The following ATRNL1 variants were observed in gnomAD, a reference collection of about 807,000 sequenced individuals.
ATRNL1 encodes attractin-like protein 1.
Under a neutral mutation model 182.7 loss-of-function variants are expected in ATRNL1, and 95 were observed. The observed-to-expected ratio is 0.52, with a 90% confidence interval of 0.44 to 0.62. ATRNL1 has a LOEUF of 0.62. ATRNL1 is among the 20% of genes least tolerant of loss of function. The pLI, the probability that ATRNL1 is intolerant of heterozygous loss-of-function variation, is 0.00. For missense variants in ATRNL1, 1,471 were observed against 1,679.5 expected (o/e 0.88, Z 2.17); for synonymous variants, 576 against 568.3 (o/e 1.01, Z -0.19).
At chr10:115,588,902 A>G (rs1855740788) in intron 26 of ATRNL1, among the ~76,000 whole-genome samples, 1 of 152,230 alleles carries the variant, frequency 6.6e-6, no homozygotes, top group Admixed American at 6.5e-5. Flanking sequence ...GGTAGATATA[A>G]AACAAGTATA....
At chr10:115,900,866 T>C (rs1952331948) in intron 28 of ATRNL1, among the ~76,000 whole-genome samples, 1 of 152,104 alleles carries the variant, frequency 6.6e-6, no homozygotes, top group South Asian at 2.1e-4. Context: ...GGCAAAAGAT[T>C]AAAGGGTCAT....
intron 26 of ATRNL1, among the ~76,000 whole-genome samples, chr10:115,579,800 C>T (rs782342865): frequency 1.5e-4 from 23 of 151,866 alleles, no homozygotes; most frequent in Non-Finnish European, 3.1e-4. Context: ...TCTTTTGTTC[C>T]TCTTTTTCTT....
intron 26 of ATRNL1, among the ~76,000 whole-genome samples, chr10:115,695,629 A>C (rs1946532998): frequency 6.6e-6 from 1 of 152,140 alleles, no homozygotes; most frequent in African/African-American, 2.4e-5. Context: ...CATTTCCTAT[A>C]ATATAAACAA....
intron 28 of ATRNL1, among the ~76,000 whole-genome samples, chr10:115,893,536 G>A (rs184600085): frequency 2.0e-4 from 30 of 152,240 alleles, no homozygotes; most frequent in African/African-American, 6.7e-4. Context: ...AGCATAATTC[G>A]TTCTTTTTCT....
chr10:115,363,856 C>G (rs1188512118), intron 19 of ATRNL1, among the ~76,000 whole-genome samples: 4 of 147,512 alleles, frequency 2.7e-5, no homozygotes, highest in Admixed American at 6.8e-5. Context: ...TCTGAGGGCT[C>G]TGTTCTGTTC....
chr10:115,113,755 A>G (rs1447577958), intron 1 of ATRNL1, among the ~76,000 whole-genome samples: 1 of 152,156 alleles, frequency 6.6e-6, no homozygotes, highest in Non-Finnish European at 1.5e-5. Flanking sequence ...GTATGTCTTT[A>G]TCAGCAGCAT....
intron 20 of ATRNL1, among the ~76,000 whole-genome samples, chr10:115,416,945 A>G (rs1181743564): frequency 1.3e-5 from 2 of 152,290 alleles, no homozygotes; most frequent in South Asian, 2.1e-4. Context: ...TAACCTACTA[A>G]TATTTCTTCA....
In ATRNL1 at chr10:115,223,929, A is replaced by ATATATATATATATATATT. The variant is rs1420143943; in HGVS notation, c.1532+8050_1532+8051insATATATATATATATATTT. Among the ~76,000 whole-genome samples, 15 of 44,728 alleles carry ATATATATATATATATATT rather than the reference A, an allele frequency of 3.4e-4. 1 individual carries two copies. The highest frequency in any genetic ancestry group is 1.4e-3 in the African/African-American group (15 of 10,854). 29.3% of individuals were successfully genotyped at this position (44,728 alleles called of 152,430 possible). A position where few individuals can be genotyped will look rare whatever the true frequency, so the allele number is the denominator to read the frequency against. On this transcript the variant is annotated intron_variant, in intron 9 of 28. Coordinates refer to ENST00000355044, the MANE Select transcript of ATRNL1 (RefSeq NM_207303.4). Reference sequence around the variant, plus strand: ...TGTGTGTGTGTATATATATATATATATTTTTTTTTTTTTTTTTTTTCTTTG... The same window carrying ATATATATATATATATATT: ...TGTGTGTGTGTATATATATATATATATATATATATATATATATTTTTTTTTTTTTTTTTTTTTTCTTTG...
chr10:115,602,524 G>A (rs377141084), intron 26 of ATRNL1, among the ~76,000 whole-genome samples: 14 of 152,092 alleles, frequency 9.2e-5, no homozygotes, highest in East Asian at 3.9e-4. Flanking sequence ...AGTGTCAGAC[G>A]CTACAAGGTT....
intron 10 of ATRNL1, among the ~76,000 whole-genome samples, chr10:115,249,043 A>G (rs181348184): frequency 7.2e-5 from 11 of 152,212 alleles, no homozygotes; most frequent in Admixed American, 5.2e-4. Flanking sequence ...GTGCAATGGC[A>G]TGACCTCGGC....
intron 26 of ATRNL1, among the ~76,000 whole-genome samples, chr10:115,649,885 T>C (rs1859874998): frequency 6.6e-6 from 1 of 151,978 alleles, no homozygotes; most frequent in South Asian, 2.1e-4. Context: ...AATTATCAGC[T>C]GAATAGATAG....
At chr10:115,616,638 C>T (rs1389199438) in intron 26 of ATRNL1, among the ~76,000 whole-genome samples, 5 of 152,172 alleles carry the variant, frequency 3.3e-5, no homozygotes, top group African/African-American at 1.2e-4. Flanking sequence ...CCTTGTGCAA[C>T]CTTGGGACAC....
intron 28 of ATRNL1, among the ~76,000 whole-genome samples, chr10:115,911,966 A>C (rs1199364540): frequency 6.6e-6 from 1 of 152,142 alleles, no homozygotes; most frequent in Non-Finnish European, 1.5e-5. Flanking sequence ...TGCTTCCTTT[A>C]TGTACTATGT....
intron 15 of ATRNL1, among the ~76,000 whole-genome samples, chr10:115,296,899 G>C (rs1554922778): frequency 6.6e-6 from 1 of 152,166 alleles, no homozygotes; most frequent in African/African-American, 2.4e-5. Flanking sequence ...GACAATTGCT[G>C]TTCTCAAAGA....
intron 21 of ATRNL1, among the ~76,000 whole-genome samples, chr10:115,437,632 T>G (rs895961054): frequency 6.6e-6 from 1 of 152,026 alleles, no homozygotes; most frequent in African/African-American, 2.4e-5. Flanking sequence ...GATATTGTTG[T>G]CAAAGTCTGT....
intron 28 of ATRNL1, among the ~76,000 whole-genome samples, chr10:115,901,160 T>G (rs1952340033): frequency 6.6e-6 from 1 of 152,230 alleles, no homozygotes; most frequent in African/African-American, 2.4e-5. Context: ...ATTGATATTT[T>G]GGTCCTACTA....
chr10:115,461,807 A>G (rs1295692102), intron 21 of ATRNL1, 134 bp from the exon 22 acceptor site: 1 of 432,940 alleles, frequency 2.3e-6, no homozygotes, highest in Non-Finnish European at 4.0e-6. Context: ...GTATTTTGTT[A>G]TACTTAAATA....
Position 115,738,755 on chromosome 10 carries a change from A to G in ATRNL1, c.3903+11400A>G, listed in dbSNP as rs553555354. Among the ~76,000 whole-genome samples, 3 of 152,236 alleles carry G rather than the reference A, an allele frequency of 2.0e-5. No homozygotes were observed. The South Asian group carries it at 6.2e-4, about 32-fold the overall frequency. On this transcript the variant is annotated intron_variant, in intron 27 of 28. Coordinates refer to ENST00000355044, the MANE Select transcript of ATRNL1 (RefSeq NM_207303.4). ...TAACATGATATAAATAGAACTATTA[A>G]AAAGGTATGAATATAATGTATTACT... is the stretch of plus-strand genomic sequence containing the variant.
chr10:115,523,567 A>G (rs1227807856), intron 25 of ATRNL1, among the ~76,000 whole-genome samples: 1 of 152,214 alleles, frequency 6.6e-6, no homozygotes, highest in African/African-American at 2.4e-5. Context: ...AAGCTGTTAA[A>G]AGCAGCCACA....
Sources: allele counts gnomAD v4.1 joint callset (sites outside exome capture counted in the v4.1 genomes callset), GRCh38; gene constraint gnomAD v4.1.1; transcripts MANE v1.5; gene names NCBI Gene and HGNC (gene_info 2026-07-23, HGNC 2026-07-21).